Variants in PDE3A observed in about 807,000 individuals in gnomAD.
The protein encoded by PDE3A is phosphodiesterase 3A, also known as cGMP-inhibited 3',5'-cyclic phosphodiesterase 3A.
Under a neutral mutation model 98.3 loss-of-function variants are expected in PDE3A, and 43 were observed. The ratio of observed to expected loss-of-function variants is 0.44; its 90% confidence interval spans 0.34 to 0.56. PDE3A has a LOEUF of 0.56. Ranked by LOEUF, PDE3A falls within the 20% of genes least tolerant of loss-of-function variation. PDE3A has a pLI of 0.01. For synonymous variants in PDE3A, 663 were observed against 567.9 expected, an observed-to-expected ratio of 1.17 and a Z score of -2.38; for missense variants, 1,427 against 1,440.7, an observed-to-expected ratio of 0.99 and a Z score of 0.15.
At chr12:20,635,820 T>A (rs1944499309) in intron 8 of PDE3A, among the ~76,000 whole-genome samples, 1 of 151,894 alleles carries the variant, frequency 6.6e-6, no homozygotes. Flanking sequence ...TCATCCGGAT[T>A]AAACATGTAT....
chr12:20,456,004 TAAAG>T (rs946204808), intron 1 of PDE3A, among the ~76,000 whole-genome samples: 6 of 152,096 alleles, frequency 3.9e-5, no homozygotes, highest in African/African-American at 1.2e-4. Flanking sequence ...TTTCCTTAAT[TAAAG>T]AAATACATGA....
chr12:20,518,672 C>A (rs1427872664), intron 1 of PDE3A, among the ~76,000 whole-genome samples: 1 of 151,914 alleles, frequency 6.6e-6, no homozygotes, highest in East Asian at 1.9e-4. Flanking sequence ...CTTTTTTTCC[C>A]CCTTTTGCAT....
Position 20,369,169 on chromosome 12 carries a change from G to C in PDE3A, c.-116G>C, listed in dbSNP as rs79638671. The C allele has an allele frequency of 4.1e-4, 272 of 669,358 alleles. No homozygotes were observed. In the African/African-American group the frequency reaches 4.6e-3, roughly 11 times the overall value. The allele number at this position is 669,358 out of a possible 1,614,324, so 41.5% of individuals were successfully genotyped here. On this transcript the variant is annotated 5_prime_UTR_variant, in exon 1 of 16. Coordinates refer to ENST00000359062, the MANE Select transcript of PDE3A (RefSeq NM_000921.5). ...GGGGAGAAGAAGGATTCCGAGGGTG[G>C]AATTGGGAAGAGCGTGCGTGCGTGT...
intron 2 of PDE3A, among the ~76,000 whole-genome samples, chr12:20,591,625 T>C (rs58726647): frequency 0.021 from 3,137 of 152,322 alleles, 98 homozygotes; most frequent in African/African-American, 0.073. Context: ...CACTGTTCTG[T>C]TCTCTCATTT....
At chr12:20,581,681 C>T (rs575285225) in intron 2 of PDE3A, among the ~76,000 whole-genome samples, 145 of 147,168 alleles carry the variant, frequency 9.9e-4, no homozygotes, top group Non-Finnish European at 1.7e-3. Flanking sequence ...GGCACGATCT[C>T]GGCTCACTGC....
chr12:20,634,899 T>C lies in PDE3A; in HGVS notation c.1847-3T>C, dbSNP rs1294527950. 1 of 1,605,132 alleles carries C rather than the reference T, an allele frequency of 6.2e-7. No individual in the cohort carries two copies. On this transcript the variant is annotated splice_polypyrimidine_tract_variant and splice_region_variant and intron_variant, in intron 7 of 15. Coordinates refer to ENST00000359062, the MANE Select transcript of PDE3A (RefSeq NM_000921.5). ...GTAATAAGTTGTTCTCTTTTAATTG[T>C]AGATGACACTGCTCAAGTTACCTCT...
chr12:20,508,621 G>A (rs897885237), intron 1 of PDE3A, among the ~76,000 whole-genome samples: 5 of 151,650 alleles, frequency 3.3e-5, no homozygotes, highest in South Asian at 2.1e-4. Flanking sequence ...CTTTAAAGTC[G>A]GCAGTTTGAA....
intron 1 of PDE3A, among the ~76,000 whole-genome samples, chr12:20,492,545 GA>G (rs1433555374): frequency 6.6e-6 from 1 of 152,126 alleles, no homozygotes; most frequent in Non-Finnish European, 1.5e-5. Context: ...CCCAAAAAGT[GA>G]AAGTGGTTAT....
chr12:20,538,438 T>C (rs1941807389), intron 1 of PDE3A, among the ~76,000 whole-genome samples: 1 of 152,140 alleles, frequency 6.6e-6, no homozygotes, highest in Non-Finnish European at 1.5e-5. Flanking sequence ...CTTCACACAG[T>C]GACTTCTGCC....
rs936263374 is a variant in PDE3A at position 20,473,326 on chromosome 12, A to G, written c.961-83334A>G. On this transcript the variant is annotated intron_variant, in intron 1 of 15. Transcript: ENST00000359062. Reference sequence around the variant, plus strand: ...AATGTATGTTGACAAGACCTACGTCATTCTTGAATACCAGCCCCAGAGAAT... The same window carrying G: ...AATGTATGTTGACAAGACCTACGTCGTTCTTGAATACCAGCCCCAGAGAAT... Among the ~76,000 whole-genome samples the G allele has an allele frequency of 2.0e-5, 3 of 152,170 alleles. 1 individual carries two copies. Among genetic ancestry groups the G allele is most frequent in the Admixed American group, 2.0e-4 (3 of 15,266 alleles).
chr12:20,596,127 A>T (rs1943460559), intron 2 of PDE3A, among the ~76,000 whole-genome samples: 1 of 152,298 alleles, frequency 6.6e-6, no homozygotes, highest in East Asian at 1.9e-4. Flanking sequence ...ATATTCCATA[A>T]ATCTGTTGGT....
chr12:20,620,113 G>A (rs949979847), intron 4 of PDE3A, among the ~76,000 whole-genome samples: 1 of 152,030 alleles, frequency 6.6e-6, no homozygotes, highest in Non-Finnish European at 1.5e-5. Flanking sequence ...TACTTGCACA[G>A]AGGGAACCAT....
intron 1 of PDE3A, among the ~76,000 whole-genome samples, chr12:20,540,994 G>A (rs545632661): frequency 1.6e-4 from 23 of 141,652 alleles, no homozygotes; most frequent in East Asian, 2.2e-4. Context: ...AGAGTTTTCC[G>A]TTTCAATATA....
intron 1 of PDE3A, among the ~76,000 whole-genome samples, chr12:20,508,573 AT>A (rs1235453571): frequency 6.6e-6 from 1 of 152,022 alleles, no homozygotes; most frequent in Non-Finnish European, 1.5e-5. Context: ...TTCATGCAGT[AT>A]TGCTTATTTA....
chr12:20,614,941 G>T (rs1943962577), intron 3 of PDE3A, among the ~76,000 whole-genome samples: 2 of 151,172 alleles, frequency 1.3e-5, no homozygotes. Flanking sequence ...TGTGTGTTAT[G>T]ACTGTTGCTG....
intron 1 of PDE3A, among the ~76,000 whole-genome samples, chr12:20,395,095 T>A (rs1943984399): frequency 6.6e-6 from 1 of 152,022 alleles, no homozygotes; most frequent in Non-Finnish European, 1.5e-5. Context: ...TACAGCGCAG[T>A]GATTAAGATG....
At chr12:20,442,678 A>T (rs2120849521) in intron 1 of PDE3A, among the ~76,000 whole-genome samples, 1 of 152,350 alleles carries the variant, frequency 6.6e-6, no homozygotes, top group Non-Finnish European at 1.5e-5. Flanking sequence ...ATTTATGTTC[A>T]CTAGTAGTTT....
intron 2 of PDE3A, among the ~76,000 whole-genome samples, chr12:20,559,243 A>T (rs1942449569): frequency 6.6e-6 from 1 of 152,128 alleles, no homozygotes; most frequent in African/African-American, 2.4e-5. Flanking sequence ...ACAGATTTGT[A>T]GCCTAGTAAC....
At chr12:20,563,670 T>G (rs929928390) in intron 2 of PDE3A, among the ~76,000 whole-genome samples, 1 of 152,156 alleles carries the variant, frequency 6.6e-6, no homozygotes, top group Non-Finnish European at 1.5e-5. Flanking sequence ...GGGTTTTTCG[T>G]TTGCTTGTTG....
Sources: gnomAD v4.1 joint callset for allele counts (sites outside exome capture counted in the v4.1 genomes callset) on GRCh38, gnomAD v4.1.1 for gene constraint, MANE v1.5 for transcripts, NCBI Gene and HGNC (gene_info 2026-07-23, HGNC 2026-07-21) for gene names.